The following DNAH8 variants were observed in gnomAD, a reference collection of about 807,000 sequenced individuals.
DNAH8 encodes the protein axonemal beta dynein heavy chain 8.
DNAH8 carries 382 observed loss-of-function variants against 562.1 expected under a neutral mutation model. The ratio of observed to expected loss-of-function variants is 0.68; its 90% CI spans 0.63 to 0.74. DNAH8 has a LOEUF of 0.74. Among genes scored for constraint, DNAH8 ranks in the 30% least tolerant of loss-of-function variants. DNAH8 has a pLI of 0.00. For synonymous variants in DNAH8, 1,881 were observed against 1,919.4 expected, an observed-to-expected ratio of 0.98 and a Z score of 0.52; for missense variants, 5,203 against 5,620.4, an observed-to-expected ratio of 0.93 and a Z score of 2.37.
rs759915058 is a variant in DNAH8 at position 38,789,808 on chromosome 6, T to C, written c.2589T>C (p.Leu863=). The change falls in exon 19 of 93, where the codon CTT becomes CTC. Residue 863 remains leucine (L), a synonymous_variant. Transcript: ENST00000327475. ...LKADKLYLQG[L]LQYYDELCQE... ...GCCATTTCAACTTCCTACAGGGTCTTCTGCAATATTATGATGAGTTATGTC... is the reference window on the plus strand; with the variant it reads ...GCCATTTCAACTTCCTACAGGGTCTCCTGCAATATTATGATGAGTTATGTC... The C allele has an allele frequency of 6.2e-7, 1 of 1,606,796 alleles. No homozygotes were observed. The highest frequency in any genetic ancestry group is 2.2e-5 in the East Asian group (1 of 44,708).
Position 38,734,599 on chromosome 6 carries a change from G to A in DNAH8, c.736G>A (p.Ala246Thr). Residue 246 changes from alanine (A) to threonine (T), a missense_variant, in exon 5 of 93, where the codon GCT (alanine) becomes ACT (threonine). Ala to Thr is a moderately conservative substitution (Grantham distance 58). Transcript: ENST00000327475. ...TTTTGTTCGTTGCCGTAATGATGTT[G>A]CTATAAATGTTAAAACTATTCAAGA... is the stretch of plus-strand genomic sequence containing the variant. The part of the protein sequence containing the change: ...IFFVRCRNDV[A>T]INVKTIQEEA... 1 of 1,613,174 alleles carries A rather than the reference G, an allele frequency of 6.2e-7. No individual in the cohort carries two copies. Among genetic ancestry groups the A allele is most frequent in the Non-Finnish European group, 8.5e-7 (1 of 1,179,870 alleles).
Position 38,933,292 on chromosome 6 carries a change from G to A in DNAH8, c.11457+1299G>A, listed in dbSNP as rs146067503. Among the ~76,000 whole-genome samples, 29 of 152,242 alleles carry A rather than the reference G, an allele frequency of 1.9e-4. No individual in the cohort carries two copies. The East Asian group carries it at 4.8e-3, about 25-fold the overall frequency. ...TCTTATTCCCTAGCTTCCTCTTCAA[G>A]AGATGTGCTAAGATGCTCATAGCAA... On this transcript the variant is annotated intron_variant, in intron 76 of 92. Transcript: ENST00000327475.
chr6:38,973,592 C>A, intron 83 of DNAH8, 69 bp from the exon 84 acceptor site: 1 of 1,304,438 alleles, frequency 7.7e-7, no homozygotes, highest in African/African-American at 1.5e-5. Context: ...AAAAAGTGCA[C>A]ATTTTGTTTT....
intron 17 of DNAH8, among the ~76,000 whole-genome samples, chr6:38,784,257 G>A (rs1483067677): frequency 6.6e-6 from 1 of 152,164 alleles, no homozygotes; most frequent in Non-Finnish European, 1.5e-5. Context: ...GCTTCGAGAG[G>A]AGCTTAAAAC....
chr6:38,973,015 T>C (rs1178628820), intron 83 of DNAH8, among the ~76,000 whole-genome samples: 1 of 152,222 alleles, frequency 6.6e-6, no homozygotes, highest in Non-Finnish European at 1.5e-5. Flanking sequence ...CTGATTCCTG[T>C]ATAAAGGTAT....
Position 38,760,622 on chromosome 6 carries a change from A to G in DNAH8, c.1516-1080A>G, listed in dbSNP as rs141136699. On this transcript the variant is annotated intron_variant, in intron 10 of 92. Transcript: ENST00000327475. ...TGTCCCCTCCAAATCTCATGTTGAA[A>G]TGTGATCCTCAGTGTTGGAGATGGG... Among the ~76,000 whole-genome samples the G allele has an allele frequency of 8.3e-4, 126 of 152,254 alleles. 1 individual carries two copies. The highest frequency in any genetic ancestry group is 2.9e-3 in the African/African-American group (122 of 41,546).
chr6:38,772,953 C>T (rs1420845598), intron 12 of DNAH8, among the ~76,000 whole-genome samples: 1 of 143,482 alleles, frequency 7.0e-6, no homozygotes, highest in Non-Finnish European at 1.5e-5. Flanking sequence ...CATATACCAC[C>T]ATGCCTAGCT....
chr6:38,967,165 C>T (rs751471505), intron 82 of DNAH8, among the ~76,000 whole-genome samples: 2 of 152,102 alleles, frequency 1.3e-5, no homozygotes, highest in Non-Finnish European at 2.9e-5. Flanking sequence ...AAAAAACTCA[C>T]GGTTAATGTC....
intron 3 of DNAH8, among the ~76,000 whole-genome samples, chr6:38,728,416 T>G (rs1021848866): frequency 7.2e-5 from 11 of 152,380 alleles, no homozygotes; most frequent in African/African-American, 2.6e-4. Context: ...TGGCCCATGA[T>G]CTCACATTTA....
chr6:38,971,689 G>A (rs780157246), intron 83 of DNAH8, 24 bp downstream of exon 83: 65 of 1,543,306 alleles, frequency 4.2e-5, no homozygotes, highest in East Asian at 2.3e-5. Context: ...GACTGCTCCT[G>A]CTGCAACATT....
intron 91 of DNAH8, 61 bp downstream of exon 91, chr6:39,012,698 G>C: frequency 7.6e-7 from 1 of 1,311,866 alleles, no homozygotes. Flanking sequence ...TAGTAGCATC[G>C]TGTGATAAAT....
chr6:38,731,764 G>T (rs1031565219), intron 4 of DNAH8, among the ~76,000 whole-genome samples: 29 of 152,296 alleles, frequency 1.9e-4, no homozygotes, highest in African/African-American at 6.7e-4. Flanking sequence ...ACCCAGGCTG[G>T]AGTGCAATGG....
At chr6:38,950,189 C>T (rs62398580) in intron 81 of DNAH8, among the ~76,000 whole-genome samples, 22 of 144,120 alleles carry the variant, frequency 1.5e-4, no homozygotes, top group Non-Finnish European at 3.1e-4. Flanking sequence ...TGTGTGTCTG[C>T]GTGTGTGTGT....
intron 53 of DNAH8, among the ~76,000 whole-genome samples, chr6:38,877,553 G>A (rs1056928193): frequency 3.9e-5 from 6 of 152,112 alleles, no homozygotes; most frequent in Admixed American, 2.6e-4. Flanking sequence ...TACTTTTGAC[G>A]AAATTTATTT....
chr6:38,886,833 A>C lies in DNAH8; in HGVS notation c.8302A>C (p.Met2768Leu). 6.2e-7 allele frequency: 1 copy of C among 1,614,088 alleles called. No individual in the cohort carries two copies. The highest frequency in any genetic ancestry group is 1.1e-5 in the South Asian group (1 of 91,086). The change falls in exon 57 of 93, where the codon ATG becomes CTG. Residue 2768 changes from methionine (M) to leucine (L), a missense_variant. Physicochemically the swap from Met to Leu is conservative, Grantham distance 15. This residue lies in a region of DNAH8 where 977 missense variants were observed against 1,061.8 expected (regional missense o/e 0.92). Transcript: ENST00000327475. ...GCGACAGATGATGGAAATGGAAGGA[A>C]TGTACAGCTTGGACAAGCCTGGAGA... Reference protein sequence around the residue: ...IVRQMMEMEGMYSLDKPGDFT... With the variant: ...IVRQMMEMEGLYSLDKPGDFT...
At chr6:38,949,605 C>T in intron 81 of DNAH8, 35 bp downstream of exon 81, 1 of 1,189,812 alleles carries the variant, frequency 8.4e-7, no homozygotes, top group Non-Finnish European at 1.2e-6. Flanking sequence ...AGAAGCATCA[C>T]TCATAATATT....
Position 38,906,325 on chromosome 6 carries a change from G to T in DNAH8, c.9266G>T (p.Gly3089Val). ...LYKVAGADGK[G>V]ITFIFTDSEI... ...AAAGTTGCTGGTGCTGATGGAAAAG[G>T]CATCACTTTCATCTTTACTGACAGT... Residue 3089 changes from glycine to valine, a missense_variant, in exon 63 of 93, where the codon GGC becomes GTC. Transcript: ENST00000327475. 1.2e-6 allele frequency: 2 copies of T among 1,609,580 alleles called. No individual in the cohort carries two copies. The highest frequency in any genetic ancestry group is 1.7e-6 in the Non-Finnish European group (2 of 1,177,018).
At position 38,970,217 on chromosome 6, in the gene DNAH8, C is replaced by T. The variant is rs140006093; in HGVS notation, c.12452-1375C>T. Among the ~76,000 whole-genome samples, 642 of 152,284 alleles carry T rather than the reference C, an allele frequency of 4.2e-3. 6 individuals are homozygous for T. The highest frequency in any genetic ancestry group is 0.015 in the African/African-American group (615 of 41,560). Reference sequence around the variant, plus strand: ...GTGTTAATACTTTTTGAGCCTATCACTTTCCCTCATTGATCTATTGAACAT... The same window carrying T: ...GTGTTAATACTTTTTGAGCCTATCATTTTCCCTCATTGATCTATTGAACAT... On this transcript the variant is annotated intron_variant, in intron 82 of 92. Transcript: ENST00000327475.
chr6:38,807,290 T>C (rs562433823), intron 23 of DNAH8, among the ~76,000 whole-genome samples: 2 of 152,340 alleles, frequency 1.3e-5, no homozygotes, highest in Admixed American at 6.5e-5. Context: ...TTTAAAGTGC[T>C]TCAATTTTGT....
Sources: allele counts gnomAD v4.1 joint callset (sites outside exome capture counted in the v4.1 genomes callset), GRCh38; gene constraint gnomAD v4.1.1; regional missense constraint gnomAD v4.1.1; transcripts MANE v1.5; gene names NCBI Gene and HGNC (gene_info 2026-07-23, HGNC 2026-07-21).